Variants in CAPZA1 observed in about 807,000 individuals in gnomAD.
CAPZA1 encodes the protein capping actin protein of muscle Z-line subunit alpha 1.
Under a neutral mutation model 40.8 loss-of-function variants are expected in CAPZA1, and 10 were observed. That is an observed-to-expected ratio of 0.25 (90% CI 0.15 to 0.42). The LOEUF (loss-of-function observed/expected upper bound fraction) is 0.42. Ranked by LOEUF, CAPZA1 falls within the 10% of genes least tolerant of loss-of-function variation. The pLI is 1.00. For synonymous variants in CAPZA1, 98 were observed against 115.0 expected, an observed-to-expected ratio of 0.85 and a Z score of 0.95; for missense variants, 277 against 353.8, an observed-to-expected ratio of 0.78 and a Z score of 1.74.
chr1:112,661,828 C>A (rs1211427630), intron 7 of CAPZA1, among the ~76,000 whole-genome samples: 1 of 152,156 alleles, frequency 6.6e-6, no homozygotes, highest in African/African-American at 2.4e-5. Context: ...AGTGTACAGA[C>A]CCACATTTAA....
chr1:112,654,126 G>C (rs1253630336), intron 4 of CAPZA1, among the ~76,000 whole-genome samples: 2 of 151,794 alleles, frequency 1.3e-5, no homozygotes, highest in East Asian at 3.9e-4. Flanking sequence ...TGGCCCTAAA[G>C]TTTCATAATG....
At chr1:112,640,469 G>A (rs1211278086) in intron 1 of CAPZA1, among the ~76,000 whole-genome samples, 4 of 124,592 alleles carry the variant, frequency 3.2e-5, no homozygotes, top group African/African-American at 1.3e-4. Flanking sequence ...CCAGCCAGCC[G>A]CCCAGTCCGG....
intron 1 of CAPZA1, among the ~76,000 whole-genome samples, chr1:112,644,493 C>G (rs1671245023): frequency 6.6e-6 from 1 of 152,104 alleles, no homozygotes; most frequent in African/African-American, 2.4e-5. Flanking sequence ...GCACCTGGCC[C>G]CAGCTTTGTA....
At chr1:112,653,685 C>T (rs192488782) in intron 4 of CAPZA1, 24 bp downstream of exon 4, 269 of 1,485,378 alleles carry the variant, frequency 1.8e-4, no homozygotes, top group Admixed American at 3.5e-4. Context: ...TTTAGACAGG[C>T]TATGCCTGGC....
chr1:112,642,936 G>A (rs1455540025), intron 1 of CAPZA1, among the ~76,000 whole-genome samples: 1 of 152,068 alleles, frequency 6.6e-6, no homozygotes, highest in African/African-American at 2.4e-5. Context: ...TTGCAGGGAA[G>A]TTACTTTTTT....
intron 1 of CAPZA1, chr1:112,620,323 A>G (rs905148520): frequency 6.4e-6 from 1 of 155,462 alleles, no homozygotes; most frequent in Admixed American, 6.5e-5. Context: ...CCTGGTCAGG[A>G]TGGCCTCTTA....
At chr1:112,663,955 C>T (rs111861410) in intron 7 of CAPZA1, among the ~76,000 whole-genome samples, 51 of 152,042 alleles carry the variant, frequency 3.4e-4, no homozygotes, top group African/African-American at 1.1e-3. Context: ...AGATACTTGC[C>T]GGGCACGGTG....
intron 1 of CAPZA1, among the ~76,000 whole-genome samples, chr1:112,621,471 CAA>C (rs1353680345): frequency 6.6e-6 from 1 of 152,062 alleles, no homozygotes; most frequent in African/African-American, 2.4e-5. Flanking sequence ...AGGCCGGTCT[CAA>C]ACTCTTGGGC....
intron 5 of CAPZA1, among the ~76,000 whole-genome samples, chr1:112,657,891 C>G (rs1038771918): frequency 6.6e-6 from 1 of 152,158 alleles, no homozygotes; most frequent in Admixed American, 6.5e-5. Context: ...TGCACCCAGC[C>G]CCCTAATTAT....
rs538557054 is a variant in CAPZA1, at chr1:112,632,051, T to C, written c.39+12168T>C. Reference sequence around the variant, plus strand: ...CAGGTGTGGTGGCTCATGCCCGTAATCCCAGCACTTTGGGAAGTCAAGGCG... The same window carrying C: ...CAGGTGTGGTGGCTCATGCCCGTAACCCCAGCACTTTGGGAAGTCAAGGCG... On this transcript the variant is annotated intron_variant, in intron 1 of 9. Transcript: ENST00000263168. 1.6e-4 allele frequency among the ~76,000 whole-genome samples: 24 copies of C among 152,358 alleles called. No individual in the cohort carries two copies. In the South Asian group the frequency reaches 5.0e-3, roughly 32 times the overall value.
intron 1 of CAPZA1, 150 bp downstream of exon 1, chr1:112,620,033 C>A: frequency 1.6e-6 from 1 of 616,804 alleles, no homozygotes; most frequent in Admixed American, 3.1e-5. Context: ...ACGCTTCCCT[C>A]TTAGGGGGCT....
At chr1:112,665,621 T>C (rs184989987) in intron 7 of CAPZA1, among the ~76,000 whole-genome samples, 1 of 152,240 alleles carries the variant, frequency 6.6e-6, no homozygotes, top group East Asian at 1.9e-4. Context: ...GTGAGTTCTG[T>C]TTCTCATAGG....
At chr1:112,645,960 T>C (rs1291741676) in intron 1 of CAPZA1, among the ~76,000 whole-genome samples, 5 of 55,094 alleles carry the variant, frequency 9.1e-5, no homozygotes, top group Non-Finnish European at 1.3e-4. Flanking sequence ...CGAGACCCTG[T>C]CTCTTAAAAA....
intron 1 of CAPZA1, among the ~76,000 whole-genome samples, chr1:112,644,981 C>T (rs1671253815): frequency 6.6e-6 from 1 of 152,210 alleles, no homozygotes; most frequent in Non-Finnish European, 1.5e-5. Context: ...CACTTAGCTC[C>T]TCCCTTCTCT....
chr1:112,667,583 G>T (rs1347644499), intron 8 of CAPZA1, among the ~76,000 whole-genome samples: 1 of 152,162 alleles, frequency 6.6e-6, no homozygotes, highest in Non-Finnish European at 1.5e-5. Flanking sequence ...AGGCTGGAGT[G>T]CAAGGAAGGA....
intron 7 of CAPZA1, among the ~76,000 whole-genome samples, chr1:112,662,418 A>C (rs1671633892): frequency 3.3e-5 from 1 of 30,654 alleles, no homozygotes; most frequent in Non-Finnish European, 8.1e-5. Flanking sequence ...TTTTTTTTTG[A>C]GACAGAGTCT....
chr1:112,645,481 A>G (rs1350152805), intron 1 of CAPZA1, among the ~76,000 whole-genome samples: 1 of 151,996 alleles, frequency 6.6e-6, no homozygotes, highest in African/African-American at 2.4e-5. Context: ...AAATTTTTTA[A>G]AAATTAGCCA....
intron 3 of CAPZA1, 57 bp from the exon 4 acceptor site, chr1:112,653,541 T>C (rs1446306827): frequency 2.6e-6 from 3 of 1,165,284 alleles, no homozygotes; most frequent in African/African-American, 3.2e-5. Context: ...TACACATAAT[T>C]CTTTTCTCTC....
intron 1 of CAPZA1, among the ~76,000 whole-genome samples, chr1:112,628,087 C>G (rs1670850887): frequency 6.6e-6 from 1 of 152,094 alleles, no homozygotes; most frequent in African/African-American, 2.4e-5. Context: ...CACTAAAGTC[C>G]CCGTAACAAG....
Sources: gnomAD v4.1 joint callset for allele counts (sites outside exome capture counted in the v4.1 genomes callset) on GRCh38, gnomAD v4.1.1 for gene constraint, MANE v1.5 for transcripts, NCBI Gene and HGNC (gene_info 2026-07-23, HGNC 2026-07-21) for gene names.